The following THRAP3 variants were observed in gnomAD, a reference collection of about 807,000 sequenced individuals.
THRAP3 encodes the protein thyroid hormone receptor associated protein 3.
In THRAP3, 16 loss-of-function variants were observed where a neutral mutation model predicts 101.0. The ratio of observed to expected loss-of-function variants is 0.16; its 90% CI spans 0.11 to 0.24. The LOEUF is 0.24. THRAP3 is among the 10% of genes least tolerant of loss of function. The probability of loss-of-function intolerance (pLI) is 1.00; values close to 1 mark genes in which losing one functional copy is unlikely to be tolerated. For missense variants in THRAP3, 989 were observed against 1,202.7 expected, an observed-to-expected ratio of 0.82 and a Z score of 2.63; for synonymous variants, 407 against 422.6, an observed-to-expected ratio of 0.96 and a Z score of 0.45.
chr1:36,219,821 TGGCTTCAA>T (rs2124298884), upstream of THRAP3, among the ~76,000 whole-genome samples: 1 of 152,304 alleles, frequency 6.6e-6, no homozygotes, highest in Non-Finnish European at 1.5e-5. Context: ...AGTCAATGCC[TGGCTTCAA>T]GGCTTCAAAA....
rs762769087 is a variant in THRAP3 at position 36,282,704 on chromosome 1, A to C, written c.137+4A>C. On this transcript the variant is annotated splice_donor_region_variant and intron_variant, in intron 3 of 11. Transcript: ENST00000354618. ...GTTCAAGGAAGCGCAGGCTGAGGTA[A>C]GGGGGTGTGACTTTGTATATTGAGA... is the stretch of plus-strand genomic sequence containing the variant. 1.4e-5 allele frequency: 22 copies of C among 1,613,982 alleles called. No individual in the cohort carries two copies. Among genetic ancestry groups the C allele is most frequent in the Admixed American group, 1.7e-5 (1 of 59,998 alleles).
At chr1:36,231,500 C>G (rs1254244432) in intron 1 of THRAP3, among the ~76,000 whole-genome samples, 1 of 152,188 alleles carries the variant, frequency 6.6e-6, no homozygotes, top group Non-Finnish European at 1.5e-5. Flanking sequence ...AGACTTTTGG[C>G]TCTTGTCCTG....
the THRAP3 span, among the ~76,000 whole-genome samples, chr1:36,211,104 T>C: frequency 6.6e-6 from 1 of 151,044 alleles, no homozygotes; most frequent in East Asian, 1.9e-4. Flanking sequence ...TCCCAACACA[T>C]TGGGAGGCCA....
intron 1 of THRAP3, among the ~76,000 whole-genome samples, chr1:36,236,510 C>G (rs1185835482): frequency 6.6e-6 from 1 of 151,790 alleles, no homozygotes; most frequent in Non-Finnish European, 1.5e-5. Context: ...GTCTTCCTTC[C>G]CCTCCCTTCC....
intron 2 of THRAP3, among the ~76,000 whole-genome samples, chr1:36,279,558 C>T (rs1645705635): frequency 6.6e-6 from 1 of 152,188 alleles, no homozygotes; most frequent in Admixed American, 6.5e-5. Flanking sequence ...AAAATAGCTC[C>T]AAATTGAAAT....
intron 2 of THRAP3, among the ~76,000 whole-genome samples, chr1:36,266,354 CAA>C (rs1338449181): frequency 1.3e-5 from 2 of 151,992 alleles, no homozygotes; most frequent in African/African-American, 4.8e-5. Context: ...CAACAACAAA[CAA>C]GAAAAATTCC....
chr1:36,261,499 A>G (rs1241758540), intron 2 of THRAP3, among the ~76,000 whole-genome samples: 1 of 152,166 alleles, frequency 6.6e-6, no homozygotes, highest in East Asian at 1.9e-4. Flanking sequence ...CGCCATTGCA[A>G]TCCAGGCTGG....
At chr1:36,275,002 G>C (rs182514131) in intron 2 of THRAP3, among the ~76,000 whole-genome samples, 1 of 150,332 alleles carries the variant, frequency 6.7e-6, no homozygotes, top group East Asian at 2.0e-4. Flanking sequence ...GGCCGGGCGC[G>C]GTGGCTCACA....
chr1:36,219,032 C>CAAAAAA, the THRAP3 span, among the ~76,000 whole-genome samples: 2 of 64,692 alleles, frequency 3.1e-5, no homozygotes, highest in African/African-American at 4.3e-5. Context: ...GGCTCCATCT[C>CAAAAAA]AAAAAAAAAA....
chr1:36,270,779 G>A (rs367750715), intron 2 of THRAP3, among the ~76,000 whole-genome samples: 2 of 151,930 alleles, frequency 1.3e-5, no homozygotes, highest in South Asian at 2.1e-4. Context: ...GTTTCTCCAC[G>A]TTGGTCAGGC....
chr1:36,244,217 A>T (rs913932257), intron 1 of THRAP3, among the ~76,000 whole-genome samples: 1 of 152,198 alleles, frequency 6.6e-6, no homozygotes, highest in Non-Finnish European at 1.5e-5. Context: ...TATTTTCTTT[A>T]ACTAGGAGAA....
At chr1:36,239,814 ACTT>A (rs2124393587) in intron 1 of THRAP3, among the ~76,000 whole-genome samples, 1 of 152,324 alleles carries the variant, frequency 6.6e-6, no homozygotes, top group East Asian at 1.9e-4. Flanking sequence ...TTGCTTTGTC[ACTT>A]CTTTCCACTA....
chr1:36,277,934 A>AT (rs534396959), intron 2 of THRAP3, among the ~76,000 whole-genome samples: 63 of 149,392 alleles, frequency 4.2e-4, no homozygotes, highest in South Asian at 1.1e-3. Flanking sequence ...TAATTTTAGT[A>AT]TTTTTTTTAG....
chr1:36,259,634 T>TA, intron 2 of THRAP3, 150 bp downstream of exon 2: 3 of 377,810 alleles, frequency 7.9e-6, no homozygotes, highest in Non-Finnish European at 1.4e-5. Context: ...GGCCTGGTGA[T>TA]ACACATCTGT....
At chr1:36,256,591 C>G (rs988256566) in intron 1 of THRAP3, among the ~76,000 whole-genome samples, 4 of 152,170 alleles carry the variant, frequency 2.6e-5, no homozygotes, top group African/African-American at 9.7e-5. Flanking sequence ...AATCTGTTCT[C>G]CACGCAGCAG....
chr1:36,269,537 G>A (rs1472096027), intron 2 of THRAP3, among the ~76,000 whole-genome samples: 1 of 152,134 alleles, frequency 6.6e-6, no homozygotes, highest in African/African-American at 2.4e-5. Flanking sequence ...GTTTGAGTTT[G>A]AGTTAGAATG....
At chr1:36,285,791 C>T (rs1645787206) in intron 3 of THRAP3, among the ~76,000 whole-genome samples, 1 of 152,092 alleles carries the variant, frequency 6.6e-6, no homozygotes, top group Non-Finnish European at 1.5e-5. Context: ...ATGCATTCTC[C>T]CAAGTTTTCT....
chr1:36,263,990 A>G (rs772513314), intron 2 of THRAP3, among the ~76,000 whole-genome samples: 2 of 152,276 alleles, frequency 1.3e-5, no homozygotes, highest in African/African-American at 2.4e-5. Context: ...TAGCCAGGAA[A>G]GATATAAAAT....
At position 36,259,495 on chromosome 1, in the gene THRAP3, G is replaced by A. The variant is rs754686065; in HGVS notation, c.-32+11G>A. On this transcript the variant is annotated intron_variant, in intron 2 of 11. Transcript: ENST00000354618. ...CATTGTTCAAATAAGGTAAAAGCAT[G>A]GTGGTAAAAGAAACTAATAACTTCA... 1.5e-5 allele frequency: 6 copies of A among 398,404 alleles called. No individual in the cohort carries two copies. The Admixed American group carries it at 1.8e-4, about 12-fold the overall frequency. The allele number at this position is 398,404 out of a possible 1,614,324, so 24.7% of individuals were successfully genotyped here.
Sources: gnomAD v4.1 joint callset for allele counts (sites outside exome capture counted in the v4.1 genomes callset) on GRCh38, gnomAD v4.1.1 for gene constraint, MANE v1.5 for transcripts, NCBI Gene and HGNC (gene_info 2026-07-23, HGNC 2026-07-21) for gene names.